The following GNS variants were observed in gnomAD, a reference collection of about 807,000 sequenced individuals.
GNS encodes glucosamine (N-acetyl)-6-sulfatase.
A neutral mutation model predicts 69.7 loss-of-function variants in GNS; 40 were observed. The observed-to-expected ratio is 0.57, with a 90% CI of 0.45 to 0.75. The LOEUF (loss-of-function observed/expected upper bound fraction) is 0.75. GNS is among the 30% of genes least tolerant of loss of function. The pLI, the probability that GNS is intolerant of heterozygous loss-of-function variation, is 0.00. For missense variants in GNS, 565 were observed against 685.5 expected, an observed-to-expected ratio of 0.82 and a Z score of 1.96; for synonymous variants, 243 against 251.6, an observed-to-expected ratio of 0.97 and a Z score of 0.32.
chr12:64,729,785 C>T (rs1869324474), intron 9 of GNS, among the ~76,000 whole-genome samples: 1 of 151,888 alleles, frequency 6.6e-6, no homozygotes, highest in Non-Finnish European at 1.5e-5. Flanking sequence ...AAAGGGGACC[C>T]CATATGTAAT....
rs774066835 is a variant in GNS, at chr12:64,737,094, C to G, written c.1008G>C (p.Leu336Phe). The stretch of plus-strand genomic sequence containing the variant: ...CATACAGCTGTCTCTTGTCTATTGG[C>G]AAGGAAAACTGTCCTGAAAACAAAA... ...DNGYHTGQFS[L>F]PIDKRQLYEF... The change falls in exon 9 of 14, where the codon TTG (leucine) becomes TTC (phenylalanine). Residue 336 changes from leucine (L) to phenylalanine (F), a missense_variant. Coordinates refer to ENST00000258145, the MANE Select transcript of GNS (RefSeq NM_002076.4). 12 of 1,556,740 alleles carry G rather than the reference C, an allele frequency of 7.7e-6. No individual in the cohort carries two copies. Among genetic ancestry groups the G allele is most frequent in the Non-Finnish European group, 1.1e-5 (12 of 1,127,794 alleles).
chr12:64,755,965 C>T (rs886831818), intron 1 of GNS, among the ~76,000 whole-genome samples: 16 of 152,236 alleles, frequency 1.1e-4, no homozygotes, highest in African/African-American at 3.6e-4. Flanking sequence ...CCGCGCCCGG[C>T]CATGAATTAT....
At position 64,716,776 on chromosome 12, in the gene GNS, C is replaced by A. The variant is rs1868871192; in HGVS notation, c.1624G>T (p.Val542Phe). The change falls in exon 14 of 14, where the codon GTC becomes TTC. Residue 542 changes from valine to phenylalanine, a missense_variant. This residue lies in a region of GNS where 384 missense variants were observed against 511.0 expected (regional missense o/e 0.75). Coordinates refer to ENST00000258145, the MANE Select transcript of GNS (RefSeq NM_002076.4). Reference protein sequence around the residue: ...PRLMFSNRGSVRTRRFSKHLL With the variant: ...PRLMFSNRGSFRTRRFSKHLL ...TGTTTGGAAAATCTTCGAGTCCTGA[C>A]ACTGCCGCGATTGCTGAACATGAGA... 1 of 1,613,510 alleles carries A rather than the reference C, an allele frequency of 6.2e-7. No individual in the cohort carries two copies. Among genetic ancestry groups the A allele is most frequent in the South Asian group, 1.1e-5 (1 of 91,078 alleles).
intron 1 of GNS, among the ~76,000 whole-genome samples, chr12:64,754,635 T>A (rs1040313370): frequency 6.6e-6 from 1 of 152,108 alleles, no homozygotes; most frequent in African/African-American, 2.4e-5. Context: ...ACACCTGTTA[T>A]CCCAGCACTT....
chr12:64,724,627 G>A (rs145853548), intron 10 of GNS, among the ~76,000 whole-genome samples: 6,385 of 152,232 alleles, frequency 0.042, 433 homozygotes, highest in African/African-American at 0.14. Flanking sequence ...TGAGGCCGAG[G>A]TGGGTGGATC....
At chr12:64,740,112 A>G (rs1023639254) in intron 7 of GNS, among the ~76,000 whole-genome samples, 1 of 152,216 alleles carries the variant, frequency 6.6e-6, no homozygotes. Flanking sequence ...GCCTATTAAT[A>G]TTTACTATCT....
chr12:64,722,843 C>T lies in GNS; in HGVS notation c.1308+163G>A, dbSNP rs190914538. 52 of 633,352 alleles carry T rather than the reference C, an allele frequency of 8.2e-5. No homozygotes were observed. In the East Asian group the frequency reaches 1.3e-3, roughly 16 times the overall value. 39.2% of individuals were successfully genotyped at this position (633,352 alleles called of 1,614,324 possible). The stretch of plus-strand genomic sequence containing the variant: ...TGATGACAGGTCAGCAGCATCATTT[C>T]CAAGATCACTGGATTTACCTTTGTC... On this transcript the variant is annotated intron_variant, in intron 11 of 13. Transcript: ENST00000258145.
intron 13 of GNS, among the ~76,000 whole-genome samples, chr12:64,717,912 A>AG (rs1434270026): frequency 2.0e-5 from 3 of 152,172 alleles, no homozygotes; most frequent in Non-Finnish European, 4.4e-5. Context: ...TCTGTGGATA[A>AG]GGGGGGACTA....
chr12:64,738,051 C>G (rs1009052934), intron 8 of GNS, among the ~76,000 whole-genome samples: 2 of 151,812 alleles, frequency 1.3e-5, no homozygotes. Context: ...GCTCTGTCAC[C>G]CACACTGGAG....
In GNS at chr12:64,740,622, T is replaced by C; in HGVS notation, c.859A>G (p.Asn287Asp). Reference protein sequence around the residue: ...MTNSSIQFLDNAFRKRWQTLL... With the variant: ...MTNSSIQFLDDAFRKRWQTLL... The stretch of plus-strand genomic sequence containing the variant: ...AGCTCTTACCTTTTCCTAAATGCAT[T>C]ATCTAAAAACTGTATTGAAGAATTA... Residue 287 changes from asparagine to aspartate, a missense_variant, in exon 7 of 14, where the codon AAT (asparagine) becomes GAT (aspartate). Physicochemically the swap from Asn to Asp is conservative, Grantham distance 23. This residue lies in a region of GNS where 384 missense variants were observed against 511.0 expected (regional missense o/e 0.75). Coordinates refer to ENST00000258145, the MANE Select transcript of GNS (RefSeq NM_002076.4). 7 of 1,546,372 alleles carry C rather than the reference T, an allele frequency of 4.5e-6. No individual in the cohort carries two copies. The highest frequency in any genetic ancestry group is 1.7e-4 in the Middle Eastern group (1 of 5,948).
chr12:64,757,947 AAAGC>A (rs1257293107), intron 1 of GNS, among the ~76,000 whole-genome samples: 1 of 152,234 alleles, frequency 6.6e-6, no homozygotes, highest in African/African-American at 2.4e-5. Context: ...TGAAACGAAG[AAAGC>A]AATAAAGCAT....
chr12:64,738,826 C>T (rs4991650), intron 8 of GNS, among the ~76,000 whole-genome samples: 1 of 150,964 alleles, frequency 6.6e-6, no homozygotes, highest in African/African-American at 2.4e-5. Context: ...ACCAGCCCCC[C>T]AAAAAAATCA....
At position 64,755,752 on chromosome 12, in the gene GNS, C is replaced by T. The variant is rs566361359; in HGVS notation, c.193-2995G>A. ...AGAGTGCGGTGGCACAATCTCAGCT[C>T]ACTGCAACCTCCACCTCCTGGGTTC... On this transcript the variant is annotated intron_variant, in intron 1 of 13. Coordinates refer to ENST00000258145, the MANE Select transcript of GNS (RefSeq NM_002076.4). 3.5e-3 allele frequency among the ~76,000 whole-genome samples: 509 copies of T among 145,470 alleles called. 5 individuals are homozygous for T. Among genetic ancestry groups the T allele is most frequent in the African/African-American group, 0.012 (483 of 39,088 alleles).
chr12:64,725,562 T>G (rs1869167945), intron 10 of GNS, among the ~76,000 whole-genome samples: 1 of 152,226 alleles, frequency 6.6e-6, no homozygotes, highest in Non-Finnish European at 1.5e-5. Flanking sequence ...CATCAGTATT[T>G]CATCGGAATA....
intron 10 of GNS, among the ~76,000 whole-genome samples, chr12:64,728,486 A>C (rs1869281481): frequency 6.6e-6 from 1 of 152,224 alleles, no homozygotes; most frequent in African/African-American, 2.4e-5. Flanking sequence ...CAGACTTCTG[A>C]AATCTTGGGT....
rs1869657334 is a variant in GNS at position 64,739,427 on chromosome 12, G to A, written c.948C>T (p.Leu316=). Reference sequence around the variant, plus strand: ...AGGTATAGAAGATGTAAGTGTTGTTGAGCTCCCCAGTGAACTCCAGCCTCT... The same window carrying A: ...AGGTATAGAAGATGTAAGTGTTGTTAAGCTCCCCAGTGAACTCCAGCCTCT... ...LVKRLEFTGE[L]NNTYIFYTSD... The change falls in exon 8 of 14, where the codon CTC becomes CTT. Residue 316 remains leucine (L), a synonymous_variant. Coordinates refer to ENST00000258145, the MANE Select transcript of GNS (RefSeq NM_002076.4). The A allele has an allele frequency of 6.2e-7, 1 of 1,607,706 alleles. No individual in the cohort carries two copies. The highest frequency in any genetic ancestry group is 8.5e-7 in the Non-Finnish European group (1 of 1,174,238).
At position 64,744,848 on chromosome 12, in the gene GNS, A is replaced by G. The variant is rs1322850279; in HGVS notation, c.585T>C (p.His195=). 4 of 1,570,460 alleles carry G rather than the reference A, an allele frequency of 2.5e-6. No homozygotes were observed. The highest frequency in any genetic ancestry group is 2.2e-5 in the South Asian group (2 of 90,178). The change falls in exon 5 of 14, where the codon CAT becomes CAC. Residue 195 remains histidine (H), a synonymous_variant. Coordinates refer to ENST00000258145, the MANE Select transcript of GNS (RefSeq NM_002076.4). ...TLSINGKARK[H]GENYSVDYLT... is the part of the protein sequence containing the mutation. ...GGTAGTCCACACTATAGTTTTCACC[A>G]TGCTTCCGTGCCTTCCCATTGATAG...
Position 64,747,816 on chromosome 12 carries a change from T to C in GNS, c.355A>G (p.Ser119Gly), listed in dbSNP as rs140834311. Residue 119 changes from serine (S) to glycine (G), a missense_variant, in exon 3 of 14, where the codon AGT becomes GGT. Around this residue, in one of 2 missense-constraint regions of GNS, gnomAD observed 181 missense variants for 174.4 expected, o/e 1.04. Coordinates refer to ENST00000258145, the MANE Select transcript of GNS (RefSeq NM_002076.4). ...TGGATCTTCTGCCAGGACTTACTAC[T>C]GCAGTTCCCCTCCAGAGTGTTGTTC... ...VVNNTLEGNC[S>G]SKSWQKIQEP... 1.2e-6 allele frequency: 2 copies of C among 1,606,322 alleles called. No individual in the cohort carries two copies. Among genetic ancestry groups the C allele is most frequent in the African/African-American group, 2.7e-5 (2 of 74,946 alleles).
In GNS at chr12:64,716,691, C is replaced by A. The variant is rs1297911111; in HGVS notation, c.*50G>T. 8.9e-7 allele frequency: 1 copy of A among 1,120,244 alleles called. No homozygotes were observed. Among genetic ancestry groups the A allele is most frequent in the Non-Finnish European group, 1.4e-6 (1 of 729,984 alleles). 69.4% of individuals were successfully genotyped at this position (1,120,244 alleles called of 1,614,324 possible). A position where few individuals can be genotyped will look rare whatever the true frequency, so the allele number is the denominator to read the frequency against. On this transcript the variant is annotated 3_prime_UTR_variant, in exon 14 of 14. Coordinates refer to ENST00000258145, the MANE Select transcript of GNS (RefSeq NM_002076.4). Reference sequence around the variant, plus strand: ...CTACAGACACCTACTACAATCACTTCATCAGAAAGAGGCGTGCAGGGATCC... The same window carrying A: ...CTACAGACACCTACTACAATCACTTAATCAGAAAGAGGCGTGCAGGGATCC...
Sources: gnomAD v4.1 joint callset for allele counts (sites outside exome capture counted in the v4.1 genomes callset) on GRCh38, gnomAD v4.1.1 for gene constraint, gnomAD v4.1.1 regional missense constraint, MANE v1.5 for transcripts, NCBI Gene and HGNC (gene_info 2026-07-23, HGNC 2026-07-21) for gene names.